Variants in OR51B5 observed in about 807,000 individuals in gnomAD.
OR51B5 encodes olfactory receptor family 51 subfamily B member 5, also known as olfactory receptor 51B5.
For synonymous variants in OR51B5, 186 were observed against 144.8 expected, an observed-to-expected ratio of 1.28 and a Z score of -2.04; for missense variants, 456 against 374.6, an observed-to-expected ratio of 1.22 and a Z score of -1.79.
At chr11:5,419,446 A>G (rs1176721643) in intron 1 of OR51B5, among the ~76,000 whole-genome samples, 2 of 151,892 alleles carry the variant, frequency 1.3e-5, no homozygotes, top group African/African-American at 2.4e-5. Context: ...AAGTATTGGA[A>G]AAAAAACTTC....
chr11:5,449,217 C>G (rs972735998), intron 1 of OR51B5: 1 of 152,338 alleles, frequency 6.6e-6, no homozygotes, highest in South Asian at 2.1e-4. Flanking sequence ...AGACTAAAAC[C>G]TCCCTGAAGA....
rs114498280 is a variant in OR51B5 at position 5,382,140 on chromosome 11, G to T, written n.85-35230C>A. 2.0e-3 allele frequency among the ~76,000 whole-genome samples: 308 copies of T among 152,206 alleles called. 2 individuals carry two copies. The highest frequency in any genetic ancestry group is 7.1e-3 in the African/African-American group (294 of 41,520). ...TGACATGTCATATAAACTCATTCAG[G>T]GTCTTGCCCCTGCCTACCTCTACTG... On this transcript the variant is annotated intron_variant and non_coding_transcript_variant, in intron 1 of 4. Coordinates refer to the OR51B5 transcript ENST00000415970.
chr11:5,350,461 G>A (rs1021756047), intron 1 of OR51B5, among the ~76,000 whole-genome samples: 6 of 152,036 alleles, frequency 3.9e-5, no homozygotes, highest in African/African-American at 1.4e-4. Context: ...TATTTTCTCT[G>A]GCTCATGCCA....
Position 5,499,750 on chromosome 11 carries a change from G to T in OR51B5, n.84+5819C>A, listed in dbSNP as rs183487526. Among the ~76,000 whole-genome samples, 206 of 152,154 alleles carry T rather than the reference G, an allele frequency of 1.4e-3. 1 individual carries two copies. The highest frequency in any genetic ancestry group is 2.1e-3 in the Non-Finnish European group (143 of 68,016). ...TCTATCACCCTATCAGTACTGTTAT[G>T]ACACAAGTCTAAACAATCTCTTCCC... On this transcript the variant is annotated intron_variant and non_coding_transcript_variant, in intron 1 of 4. Transcript: ENST00000415970.
At chr11:5,373,341 T>C in intron 1 of OR51B5, among the ~76,000 whole-genome samples, 1 of 152,154 alleles carries the variant, frequency 6.6e-6, no homozygotes, top group East Asian at 1.9e-4. Flanking sequence ...AAAGTTCCAG[T>C]TTTTGAGCCA....
chr11:5,342,748 A>G (rs752700939), exon 1 of OR51B5: 1 of 1,613,860 alleles, frequency 6.2e-7, no homozygotes, highest in East Asian at 2.2e-5. Context: ...CAAAACGATG[A>G]ATCAGAGACA....
At chr11:5,449,105 G>T (rs1019206718) in intron 1 of OR51B5, among the ~76,000 whole-genome samples, 1 of 152,232 alleles carries the variant, frequency 6.6e-6, no homozygotes, top group Admixed American at 6.5e-5. Context: ...ATCACTAGAA[G>T]ATGTTTTGAG....
rs1564810639 is a variant in OR51B5, at chr11:5,429,075, G to C, written n.84+76494C>G. ...ATCCAGACTTGTAACTCATGACTCA[G>C]CTGGTCCTCTGCACCCACCACACAC... is the stretch of plus-strand genomic sequence containing the variant. On this transcript the variant is annotated intron_variant and non_coding_transcript_variant, in intron 1 of 4. Coordinates refer to the OR51B5 transcript ENST00000415970. Among the ~76,000 whole-genome samples, 3 of 152,230 alleles carry C rather than the reference G, an allele frequency of 2.0e-5. 1 individual carries two copies. In the East Asian group the frequency reaches 5.8e-4, roughly 29 times the overall value.
intron 1 of OR51B5, among the ~76,000 whole-genome samples, chr11:5,468,000 G>T (rs1475561854): frequency 2.6e-5 from 4 of 152,086 alleles, no homozygotes; most frequent in African/African-American, 7.2e-5. Flanking sequence ...CAGAACTCTG[G>T]ATTATTCTTA....
intron 1 of OR51B5, among the ~76,000 whole-genome samples, chr11:5,471,117 C>T (rs1851221596): frequency 6.6e-6 from 1 of 152,174 alleles, no homozygotes; most frequent in Admixed American, 6.5e-5. Flanking sequence ...CATACTCACA[C>T]ATATTCTTCT....
chr11:5,342,021 G>A (rs536836608), downstream of OR51B5, among the ~76,000 whole-genome samples: 2 of 152,286 alleles, frequency 1.3e-5, no homozygotes, highest in South Asian at 2.1e-4. Flanking sequence ...ATGGAGGGAG[G>A]AGGAACCAAC....
chr11:5,409,585 C>G (rs1226129092), intron 1 of OR51B5, among the ~76,000 whole-genome samples: 1 of 151,678 alleles, frequency 6.6e-6, no homozygotes, highest in African/African-American at 2.4e-5. Context: ...AAAAGAAAAA[C>G]AAGTCAATAG....
chr11:5,352,102 G>A (rs775043301), intron 1 of OR51B5: 62 of 1,614,016 alleles, frequency 3.8e-5, no homozygotes, highest in Non-Finnish European at 4.9e-5. Context: ...CTATCCAGTT[G>A]TAGTTTTATT....
intron 1 of OR51B5, among the ~76,000 whole-genome samples, chr11:5,350,772 G>A (rs1213706132): frequency 6.6e-6 from 1 of 152,092 alleles, no homozygotes; most frequent in Non-Finnish European, 1.5e-5. Flanking sequence ...ATTCTTTGAA[G>A]CAGTGTATCA....
intron 1 of OR51B5, chr11:5,422,601 A>T (rs1850362746): frequency 6.2e-7 from 1 of 1,613,824 alleles, no homozygotes; most frequent in Admixed American, 1.7e-5. Flanking sequence ...CCCCTCCATT[A>T]TGCCTCCATC....
rs1043942418 is a variant in OR51B5 at position 5,389,278 on chromosome 11, G to A, written n.85-42368C>T. The A allele has an allele frequency of 2.1e-5, 20 of 931,358 alleles. No homozygotes were observed. In the South Asian group the frequency reaches 2.8e-4, roughly 13 times the overall value. 57.7% of individuals were successfully genotyped at this position (931,358 alleles called of 1,614,324 possible). On this transcript the variant is annotated intron_variant and non_coding_transcript_variant, in intron 1 of 4. Transcript: ENST00000415970. ...TGAGATTGGCAGAATTCATAAGGGT[G>A]GAGTAGATAATACTAAAGGTGATGA... is the stretch of plus-strand genomic sequence containing the variant.
chr11:5,485,690 G>T (rs554287575), intron 1 of OR51B5, among the ~76,000 whole-genome samples: 1 of 152,222 alleles, frequency 6.6e-6, no homozygotes, highest in South Asian at 2.1e-4. Flanking sequence ...CTTTGCACTT[G>T]CTGTCCCCCT....
intron 1 of OR51B5, among the ~76,000 whole-genome samples, chr11:5,476,773 T>G (rs1851312555): frequency 3.9e-5 from 6 of 152,062 alleles, no homozygotes; most frequent in Admixed American, 3.9e-4. Flanking sequence ...TCTTTACACT[T>G]CAGTGTCTTC....
At chr11:5,458,755 C>T (rs1164117886) in intron 1 of OR51B5, among the ~76,000 whole-genome samples, 1 of 152,052 alleles carries the variant, frequency 6.6e-6, no homozygotes, top group African/African-American at 2.4e-5. Flanking sequence ...TGGCTCTCAA[C>T]TTGGATGTTA....
Sources: gnomAD v4.1 joint callset for allele counts (sites outside exome capture counted in the v4.1 genomes callset) on GRCh38, gnomAD v4.1.1 for gene constraint, MANE v1.5 for transcripts, NCBI Gene and HGNC (gene_info 2026-07-23, HGNC 2026-07-21) for gene names.